The following NEDD4L variants were observed in gnomAD, a reference collection of about 807,000 sequenced individuals.
NEDD4L encodes NEDD4 like E3 ubiquitin protein ligase.
In NEDD4L, 54 loss-of-function variants were observed where a neutral mutation model predicts 148.9. The observed-to-expected ratio is 0.36, with a 90% CI of 0.29 to 0.45. The LOEUF (loss-of-function observed/expected upper bound fraction) is 0.45, where lower values mean the gene tolerates loss of function less well. Ranked by LOEUF, NEDD4L falls within the 20% of genes least tolerant of loss-of-function variation. The pLI is 1.00. For synonymous variants in NEDD4L, 433 were observed against 440.7 expected (o/e 0.98, Z 0.22); for missense variants, 856 against 1,233.8 (o/e 0.69, Z 4.59).
rs150876444 is a variant in NEDD4L, at chr18:58,159,152, G to A, written c.49-6636G>A. 4.1e-3 allele frequency among the ~76,000 whole-genome samples: 621 copies of A among 152,126 alleles called. 3 individuals are homozygous for A. The highest frequency in any genetic ancestry group is 0.014 in the African/African-American group (577 of 41,508). ...GTGTGGGGAGGGAGAAAGTCAAGAGGATTCAACCTGGCAAGAGTTGGAAGT... is the reference window on the plus strand; with the variant it reads ...GTGTGGGGAGGGAGAAAGTCAAGAGAATTCAACCTGGCAAGAGTTGGAAGT... On this transcript the variant is annotated intron_variant, in intron 1 of 30. Coordinates refer to ENST00000400345, the MANE Select transcript of NEDD4L (RefSeq NM_001144967.3).
intron 2 of NEDD4L, among the ~76,000 whole-genome samples, chr18:58,222,081 A>G (rs756086950): frequency 2.0e-5 from 3 of 152,242 alleles, no homozygotes; most frequent in Non-Finnish European, 4.4e-5. Context: ...AACCAAAGCA[A>G]TAATACTTTT....
At chr18:58,302,695 T>C (rs967842904) in intron 5 of NEDD4L, among the ~76,000 whole-genome samples, 5 of 152,194 alleles carry the variant, frequency 3.3e-5, no homozygotes, top group African/African-American at 1.2e-4. Flanking sequence ...TATGTACCAG[T>C]TTATGAAATA....
intron 1 of NEDD4L, among the ~76,000 whole-genome samples, chr18:58,080,967 C>T (rs56114061): frequency 0.025 from 3,831 of 152,054 alleles, 102 homozygotes; most frequent in Non-Finnish European, 0.028. Flanking sequence ...ATGTGAGGGC[C>T]GGAGTCCTCA....
chr18:58,094,276 C>T lies in NEDD4L; in HGVS notation c.48+49568C>T, dbSNP rs112116912. On this transcript the variant is annotated intron_variant, in intron 1 of 30. Transcript: ENST00000400345. Reference sequence around the variant, plus strand: ...CATAGCTTATTGCAGGCTTGACCTCCTGGGCTCATATGATCCTCTTGCCAC... The same window carrying T: ...CATAGCTTATTGCAGGCTTGACCTCTTGGGCTCATATGATCCTCTTGCCAC... 4.2e-3 allele frequency among the ~76,000 whole-genome samples: 643 copies of T among 152,016 alleles called. 4 individuals carry two copies. Among genetic ancestry groups the T allele is most frequent in the African/African-American group, 0.015 (619 of 41,426 alleles).
intron 2 of NEDD4L, among the ~76,000 whole-genome samples, chr18:58,217,382 C>G (rs2043260022): frequency 6.6e-6 from 1 of 152,202 alleles, no homozygotes; most frequent in African/African-American, 2.4e-5. Flanking sequence ...AAACTTGGGT[C>G]TCCTCTACCC....
intron 29 of NEDD4L, among the ~76,000 whole-genome samples, chr18:58,390,982 C>T (rs1225040029): frequency 2.1e-5 from 3 of 144,860 alleles, no homozygotes; most frequent in Non-Finnish European, 4.6e-5. Flanking sequence ...TAAGGCTGCT[C>T]TTTTTTTTTT....
intron 1 of NEDD4L, among the ~76,000 whole-genome samples, chr18:58,064,699 A>G (rs2082512199): frequency 6.6e-6 from 1 of 152,174 alleles, no homozygotes; most frequent in South Asian, 2.1e-4. Context: ...AATCATGGGG[A>G]AGTACTCGTT....
At chr18:58,098,038 A>G (rs1001043481) in intron 1 of NEDD4L, among the ~76,000 whole-genome samples, 3 of 152,212 alleles carry the variant, frequency 2.0e-5, no homozygotes, top group Non-Finnish European at 2.9e-5. Flanking sequence ...CAAAATAGCA[A>G]CAAAAACAAA....
rs1440989002 is a variant in NEDD4L at position 58,255,826 on chromosome 18, C to T, written c.297+3772C>T. ...ACGGCGGCGGAGGCCTGCAGGGAGG[C>T]GTGGGTGCGCTTAAGCGGAGCTCGT... On this transcript the variant is annotated intron_variant, in intron 5 of 30. Coordinates refer to ENST00000400345, the MANE Select transcript of NEDD4L (RefSeq NM_001144967.3). The T allele has an allele frequency of 4.1e-6, 5 of 1,232,494 alleles. No homozygotes were observed. The East Asian group carries it at 9.5e-5, about 23-fold the overall frequency. The allele number at this position is 1,232,494 out of a possible 1,614,324, so 76.3% of individuals were successfully genotyped here.
At chr18:58,229,623 T>C (rs771897287) in intron 2 of NEDD4L, among the ~76,000 whole-genome samples, 14 of 152,230 alleles carry the variant, frequency 9.2e-5, no homozygotes, top group Admixed American at 3.3e-4. Context: ...ATCCTTGTTA[T>C]TGAGAGCTGT....
At chr18:58,210,305 A>G (rs1213433301) in intron 2 of NEDD4L, among the ~76,000 whole-genome samples, 1 of 152,264 alleles carries the variant, frequency 6.6e-6, no homozygotes, top group Non-Finnish European at 1.5e-5. Flanking sequence ...CTGACTTCTT[A>G]GGAAAATACA....
intron 1 of NEDD4L, among the ~76,000 whole-genome samples, chr18:58,140,495 C>T (rs1212075305): frequency 7.0e-6 from 1 of 142,400 alleles, no homozygotes; most frequent in East Asian, 2.0e-4. Context: ...GGAGGATTAG[C>T]CCTCTGTTTG....
At chr18:58,309,250 G>A (rs1239987793) in intron 5 of NEDD4L, among the ~76,000 whole-genome samples, 5 of 152,088 alleles carry the variant, frequency 3.3e-5, no homozygotes, top group East Asian at 1.9e-4. Context: ...GCCCTCAGCC[G>A]GATGCTCCCG....
chr18:58,379,466 A>G (rs2048038515), intron 24 of NEDD4L, among the ~76,000 whole-genome samples: 1 of 152,142 alleles, frequency 6.6e-6, no homozygotes, highest in African/African-American at 2.4e-5. Flanking sequence ...TGATGTTAAG[A>G]AGGGACAAAT....
At chr18:58,062,617 G>C (rs2144716965) in intron 1 of NEDD4L, among the ~76,000 whole-genome samples, 1 of 152,290 alleles carries the variant, frequency 6.6e-6, no homozygotes, top group Middle Eastern at 3.4e-3. Flanking sequence ...CTAAAGCGCG[G>C]CTGCTGCTTT....
intron 1 of NEDD4L, among the ~76,000 whole-genome samples, chr18:58,141,301 AT>A (rs2033474616): frequency 6.6e-6 from 1 of 152,224 alleles, no homozygotes; most frequent in African/African-American, 2.4e-5. Context: ...AGTTATTCAG[AT>A]TAGAGAAAAT....
chr18:58,195,446 C>G, intron 2 of NEDD4L: 1 of 1,320,878 alleles, frequency 7.6e-7, no homozygotes, highest in Non-Finnish European at 1.0e-6. Flanking sequence ...CAGGCATCCG[C>G]GGCAGCAGCT....
intron 5 of NEDD4L, among the ~76,000 whole-genome samples, chr18:58,309,403 C>A (rs2057417661): frequency 6.6e-6 from 1 of 152,198 alleles, no homozygotes; most frequent in Non-Finnish European, 1.5e-5. Context: ...CTGCAGTATT[C>A]TGCTCATGCC....
chr18:58,154,727 G>T (rs910629979), intron 1 of NEDD4L, among the ~76,000 whole-genome samples: 1 of 152,218 alleles, frequency 6.6e-6, no homozygotes, highest in Non-Finnish European at 1.5e-5. Flanking sequence ...GGCGGAGGTT[G>T]TAGTGATCCA....
Sources: gnomAD v4.1 joint callset for allele counts (sites outside exome capture counted in the v4.1 genomes callset) on GRCh38, gnomAD v4.1.1 for gene constraint, MANE v1.5 for transcripts, NCBI Gene and HGNC (gene_info 2026-07-23, HGNC 2026-07-21) for gene names.